The following COL26A1 variants were observed in gnomAD, a reference collection of about 807,000 sequenced individuals.
COL26A1 encodes the protein collagen alpha-1(XXVI) chain.
A neutral mutation model predicts 59.3 loss-of-function variants in COL26A1; 41 were observed. The ratio of observed to expected loss-of-function variants is 0.69; its 90% CI spans 0.54 to 0.90. COL26A1 has a LOEUF of 0.90. Among genes scored for constraint, COL26A1 ranks in the 40% least tolerant of loss-of-function variants. The pLI is 0.00. For missense variants in COL26A1, 612 were observed against 602.3 expected, an observed-to-expected ratio of 1.02 and a Z score of -0.17; for synonymous variants, 266 against 256.0, an observed-to-expected ratio of 1.04 and a Z score of -0.37.
At chr7:101,529,422 C>T (rs1052467490) in intron 3 of COL26A1, among the ~76,000 whole-genome samples, 1 of 152,026 alleles carries the variant, frequency 6.6e-6, no homozygotes, top group African/African-American at 2.4e-5. Flanking sequence ...GCATCTGCCA[C>T]CACACCTGGC....
intron 3 of COL26A1, among the ~76,000 whole-genome samples, chr7:101,456,168 A>T (rs76369205): frequency 0.029 from 3,596 of 124,578 alleles, 72 homozygotes; most frequent in Admixed American, 0.072. Context: ...ATATATATAT[A>T]TTTTTTTTTT....
chr7:101,514,254 C>CT (rs2130593191), intron 3 of COL26A1, among the ~76,000 whole-genome samples: 1 of 152,190 alleles, frequency 6.6e-6, no homozygotes, highest in South Asian at 2.1e-4. Flanking sequence ...AGGAGAATTG[C>CT]TTGAACCCAG....
chr7:101,502,428 G>A (rs1024801526), intron 3 of COL26A1, among the ~76,000 whole-genome samples: 1 of 152,182 alleles, frequency 6.6e-6, no homozygotes, highest in African/African-American at 2.4e-5. Flanking sequence ...CCCTTCCAAA[G>A]CCTTTGAGGT....
intron 1 of COL26A1, among the ~76,000 whole-genome samples, chr7:101,367,306 A>C (rs1277482507): frequency 6.6e-6 from 1 of 152,058 alleles, no homozygotes; most frequent in Non-Finnish European, 1.5e-5. Context: ...GGACCTTTGG[A>C]GGTAACTAGA....
At chr7:101,504,022 C>T (rs1794756265) in intron 3 of COL26A1, among the ~76,000 whole-genome samples, 1 of 152,210 alleles carries the variant, frequency 6.6e-6, no homozygotes, top group African/African-American at 2.4e-5. Flanking sequence ...CGACCCTGAG[C>T]CCAGCAGGGC....
intron 1 of COL26A1, among the ~76,000 whole-genome samples, chr7:101,365,253 G>A (rs2410823): frequency 0.58 from 87,738 of 151,514 alleles, 26,923 homozygotes; most frequent in African/African-American, 0.8. Context: ...AATATATACA[G>A]CACGATTTCA....
chr7:101,455,066 A>G (rs548142299), intron 3 of COL26A1, among the ~76,000 whole-genome samples: 18 of 139,530 alleles, frequency 1.3e-4, no homozygotes, highest in African/African-American at 4.8e-4. Flanking sequence ...TTTTTGAGAT[A>G]GAGTTCTGCT....
chr7:101,380,706 A>G (rs1791426136), intron 1 of COL26A1, among the ~76,000 whole-genome samples: 1 of 152,170 alleles, frequency 6.6e-6, no homozygotes, highest in Non-Finnish European at 1.5e-5. Flanking sequence ...CTTTTGGCCT[A>G]GGTAACTCCT....
At chr7:101,496,270 G>T (rs1794582877) in intron 3 of COL26A1, among the ~76,000 whole-genome samples, 1 of 152,196 alleles carries the variant, frequency 6.6e-6, no homozygotes, top group Non-Finnish European at 1.5e-5. Context: ...CAGGGCCATG[G>T]GGTTAATGCC....
At chr7:101,473,850 C>T (rs534312305) in intron 3 of COL26A1, among the ~76,000 whole-genome samples, 2 of 127,138 alleles carry the variant, frequency 1.6e-5, no homozygotes, top group African/African-American at 5.7e-5. Flanking sequence ...GAAACCCTGT[C>T]TCAAAGAAAA....
In COL26A1 at chr7:101,549,229, G is replaced by T; in HGVS notation, c.993+6G>T. ...CAGGAACACCTGGATCCCAGGTAAG[G>T]ACTTTGCCATTTTAGGTAGGGTGTG... On this transcript the variant is annotated splice_donor_region_variant and intron_variant, in intron 9 of 12. Coordinates refer to ENST00000313669, the MANE Select transcript of COL26A1 (RefSeq NM_001278563.3). 2.5e-6 allele frequency: 4 copies of T among 1,603,260 alleles called. No individual in the cohort carries two copies. Among genetic ancestry groups the T allele is most frequent in the Non-Finnish European group, 3.4e-6 (4 of 1,173,812 alleles).
chr7:101,441,737 G>T (rs1303573722), intron 2 of COL26A1, among the ~76,000 whole-genome samples: 1 of 152,178 alleles, frequency 6.6e-6, no homozygotes, highest in East Asian at 1.9e-4. Flanking sequence ...AGAGGTGTCT[G>T]TGTGAGGTGG....
At chr7:101,518,070 T>C (rs1212179216) in intron 3 of COL26A1, among the ~76,000 whole-genome samples, 1 of 152,020 alleles carries the variant, frequency 6.6e-6, no homozygotes, top group Non-Finnish European at 1.5e-5. Context: ...CACCTCTACC[T>C]CCCAAAGTAC....
rs138657470 is a variant in COL26A1 at position 101,419,920 on chromosome 7, C to T, written c.159-57C>T. On this transcript the variant is annotated intron_variant, in intron 1 of 12. Transcript: ENST00000313669. Reference sequence around the variant, plus strand: ...CCCTGTCCAGCACGGCCCCCTGACCCGAAGTTGGCAGCTCTGGGAACAGGC... The same window carrying T: ...CCCTGTCCAGCACGGCCCCCTGACCTGAAGTTGGCAGCTCTGGGAACAGGC... 298 of 1,588,944 alleles carry T rather than the reference C, an allele frequency of 1.9e-4. 3 individuals carry two copies. In the African/African-American group the frequency reaches 2.9e-3, roughly 15 times the overall value.
intron 2 of COL26A1, among the ~76,000 whole-genome samples, chr7:101,427,536 C>A (rs527792234): frequency 1.3e-5 from 2 of 152,060 alleles, no homozygotes; most frequent in Non-Finnish European, 2.9e-5. Flanking sequence ...GTGGCAGGCA[C>A]CTGTAATTCC....
chr7:101,395,528 C>T (rs73179272), intron 1 of COL26A1, among the ~76,000 whole-genome samples: 9,611 of 152,252 alleles, frequency 0.063, 324 homozygotes, highest in Non-Finnish European at 0.077. Context: ...TGGCCGTCTG[C>T]AGGGGTTCCT....
intron 3 of COL26A1, among the ~76,000 whole-genome samples, chr7:101,462,787 G>A (rs571414786): frequency 6.6e-6 from 1 of 152,186 alleles, no homozygotes; most frequent in South Asian, 2.1e-4. Context: ...CAGAACTGGG[G>A]AACACCGAGA....
intron 1 of COL26A1, among the ~76,000 whole-genome samples, chr7:101,375,161 C>T (rs923768606): frequency 2.0e-4 from 31 of 152,024 alleles, no homozygotes; most frequent in African/African-American, 7.2e-4. Context: ...TCTGTGTGGC[C>T]CTGACTAAGT....
chr7:101,382,171 C>T (rs1211445876), intron 1 of COL26A1, among the ~76,000 whole-genome samples: 1 of 152,122 alleles, frequency 6.6e-6, no homozygotes, highest in Middle Eastern at 3.2e-3. Flanking sequence ...GCCTCAGCCT[C>T]TTGAGTGGCT....
Sources: gnomAD v4.1 joint callset for allele counts (sites outside exome capture counted in the v4.1 genomes callset) on GRCh38, gnomAD v4.1.1 for gene constraint, MANE v1.5 for transcripts, NCBI Gene and HGNC (gene_info 2026-07-23, HGNC 2026-07-21) for gene names.